Variants in TMEM117 observed in about 807,000 individuals in gnomAD.
The protein encoded by TMEM117 is transmembrane protein 117.
TMEM117 carries 27 observed loss-of-function variants against 52.4 expected under a neutral mutation model. The observed-to-expected ratio is 0.51, with a 90% CI of 0.38 to 0.71. TMEM117 has a LOEUF of 0.71. TMEM117 is among the 30% of genes least tolerant of loss of function. The probability of loss-of-function intolerance (pLI) is 0.00; values close to 1 mark genes in which losing one functional copy is unlikely to be tolerated. For synonymous variants in TMEM117, 215 were observed against 206.3 expected (o/e 1.04, Z -0.36); for missense variants, 556 against 630.5 (o/e 0.88, Z 1.26).
intron 2 of TMEM117, among the ~76,000 whole-genome samples, chr12:43,930,574 A>G (rs1047127021): frequency 6.6e-6 from 1 of 152,152 alleles, no homozygotes; most frequent in African/African-American, 2.4e-5. Flanking sequence ...TTGGCCTTTC[A>G]AGTCTTGCCT....
intron 7 of TMEM117, 144 bp downstream of exon 7, chr12:44,376,868 C>T (rs1951949647): frequency 1.1e-6 from 1 of 875,554 alleles, no homozygotes; most frequent in Non-Finnish European, 1.6e-6. Context: ...AGGTGGTTTT[C>T]AGATCAACAA....
At position 44,052,216 on chromosome 12, in the gene TMEM117, A is replaced by G. The variant is rs12582807; in HGVS notation, c.411-91309A>G. Reference sequence around the variant, plus strand: ...GTATTCTATTTTTAGCTTCAGTACTATTGGGCTTGTTCGCCCTTTCCCACC... The same window carrying G: ...GTATTCTATTTTTAGCTTCAGTACTGTTGGGCTTGTTCGCCCTTTCCCACC... On this transcript the variant is annotated intron_variant, in intron 3 of 7. Transcript: ENST00000266534. Among the ~76,000 whole-genome samples, 5 of 152,242 alleles carry G rather than the reference A, an allele frequency of 3.3e-5. No individual in the cohort carries two copies. In the East Asian group the frequency reaches 9.6e-4, roughly 29 times the overall value.
chr12:43,983,542 C>T (rs1945794522), intron 3 of TMEM117, among the ~76,000 whole-genome samples: 1 of 106,978 alleles, frequency 9.3e-6, no homozygotes, highest in Non-Finnish European at 1.9e-5. Context: ...TACTTTTGCA[C>T]CAACCGTGTG....
At chr12:44,088,876 C>T (rs1168262108) in intron 3 of TMEM117, among the ~76,000 whole-genome samples, 3 of 152,312 alleles carry the variant, frequency 2.0e-5, no homozygotes, top group South Asian at 4.1e-4. Flanking sequence ...AAATGGCCAA[C>T]AGCCAGGAGC....
chr12:44,312,003 C>T (rs559449184), intron 6 of TMEM117, among the ~76,000 whole-genome samples: 1 of 150,646 alleles, frequency 6.6e-6, no homozygotes, highest in East Asian at 1.9e-4. Flanking sequence ...GGTTTCTGGG[C>T]AAGAGCCAGG....
intron 3 of TMEM117, among the ~76,000 whole-genome samples, chr12:44,064,852 G>A (rs1475632100): frequency 6.6e-6 from 1 of 152,050 alleles, no homozygotes; most frequent in Non-Finnish European, 1.5e-5. Context: ...TAATAATATT[G>A]TATTGTGTTT....
chr12:44,252,999 GA>G (rs1057284062), intron 5 of TMEM117, among the ~76,000 whole-genome samples: 34 of 151,820 alleles, frequency 2.2e-4, no homozygotes, highest in Admixed American at 5.9e-4. Context: ...AGAAAGAGGA[GA>G]AAAAAAGGAA....
chr12:44,141,579 C>A (rs1410832723), intron 3 of TMEM117, among the ~76,000 whole-genome samples: 1 of 152,016 alleles, frequency 6.6e-6, no homozygotes, highest in Non-Finnish European at 1.5e-5. Context: ...CTAAAATTTC[C>A]ACTCTACCCC....
At chr12:44,311,636 A>C (rs1002007459) in intron 6 of TMEM117, among the ~76,000 whole-genome samples, 3 of 151,268 alleles carry the variant, frequency 2.0e-5, no homozygotes, top group African/African-American at 7.3e-5. Context: ...GAGGATTTTC[A>C]AAACAATTTT....
intron 6 of TMEM117, among the ~76,000 whole-genome samples, chr12:44,344,186 G>T (rs1390442499): frequency 6.6e-6 from 1 of 152,144 alleles, no homozygotes; most frequent in Non-Finnish European, 1.5e-5. Context: ...TGTAAGGTAT[G>T]ATGAAAAGCA....
chr12:44,146,931 C>G (rs980803466), intron 4 of TMEM117, among the ~76,000 whole-genome samples: 2 of 152,028 alleles, frequency 1.3e-5, no homozygotes, highest in Non-Finnish European at 2.9e-5. Flanking sequence ...TTAATGTGAT[C>G]CAAAGATAAG....
intron 4 of TMEM117, among the ~76,000 whole-genome samples, chr12:44,173,972 G>T (rs2138292333): frequency 6.6e-6 from 1 of 152,122 alleles, no homozygotes; most frequent in East Asian, 1.9e-4. Flanking sequence ...GTTCAGAAAA[G>T]CTCAAAGAGA....
chr12:44,170,675 A>G (rs1254302633), intron 4 of TMEM117, among the ~76,000 whole-genome samples: 1 of 152,226 alleles, frequency 6.6e-6, no homozygotes, highest in Non-Finnish European at 1.5e-5. Context: ...TCCTGGAGGC[A>G]GAACCAGTGA....
intron 3 of TMEM117, among the ~76,000 whole-genome samples, chr12:44,130,023 C>T (rs181015005): frequency 6.6e-6 from 1 of 152,276 alleles, no homozygotes; most frequent in African/African-American, 2.4e-5. Context: ...CCTTTTGTGG[C>T]ACCATCCGAT....
chr12:44,376,065 A>G (rs1951936607), intron 6 of TMEM117, among the ~76,000 whole-genome samples: 1 of 152,210 alleles, frequency 6.6e-6, no homozygotes, highest in African/African-American at 2.4e-5. Context: ...AGAGCAGGAC[A>G]GGAGCCTGTC....
chr12:44,113,816 G>A (rs1484157589), intron 3 of TMEM117, among the ~76,000 whole-genome samples: 1 of 35,676 alleles, frequency 2.8e-5, no homozygotes, highest in Non-Finnish European at 5.0e-5. Flanking sequence ...CCTCGTTGCC[G>A]CCTTGCAGTT....
In TMEM117 at chr12:44,005,468, C is replaced by T. The variant is rs531147467; in HGVS notation, c.410+61126C>T. On this transcript the variant is annotated intron_variant, in intron 3 of 7. Coordinates refer to ENST00000266534, the MANE Select transcript of TMEM117 (RefSeq NM_032256.3). ...ATAGGGTAAAGAAGAAAACCAATAA[C>T]ATCAGAAAACAATTCCATCCAGCCT... Among the ~76,000 whole-genome samples the T allele has an allele frequency of 7.2e-5, 11 of 152,278 alleles. No homozygotes were observed. In the East Asian group the frequency reaches 1.9e-3, roughly 27 times the overall value.
chr12:43,828,832 T>C, the TMEM117 span, among the ~76,000 whole-genome samples: 3 of 152,168 alleles, frequency 2.0e-5, no homozygotes, highest in East Asian at 3.8e-4. Flanking sequence ...TCCTTCTGGC[T>C]TTTTTTCTTC....
chr12:43,972,882 C>T (rs531359134), intron 3 of TMEM117, among the ~76,000 whole-genome samples: 1 of 152,294 alleles, frequency 6.6e-6, no homozygotes, highest in East Asian at 1.9e-4. Context: ...GTCCAGCTGG[C>T]TTCACCTCTC....
Sources: allele counts gnomAD v4.1 joint callset (sites outside exome capture counted in the v4.1 genomes callset), GRCh38; gene constraint gnomAD v4.1.1; transcripts MANE v1.5; gene names NCBI Gene and HGNC (gene_info 2026-07-23, HGNC 2026-07-21).